Variants in LRRC4C observed in about 807,000 individuals in gnomAD.
LRRC4C encodes the protein leucine-rich repeat-containing protein 4C.
A neutral mutation model predicts 33.6 loss-of-function variants in LRRC4C; 5 were observed. That is an observed-to-expected ratio of 0.15 (90% CI 0.08 to 0.31). The LOEUF (loss-of-function observed/expected upper bound fraction) is 0.31. Among genes scored for constraint, LRRC4C ranks in the 10% least tolerant of loss-of-function variants. The probability of loss-of-function intolerance (pLI) is 1.00; values close to 1 mark genes in which losing one functional copy is unlikely to be tolerated. For synonymous variants in LRRC4C, 329 were observed against 302.0 expected, an observed-to-expected ratio of 1.09 and a Z score of -0.93; for missense variants, 560 against 796.7, an observed-to-expected ratio of 0.70 and a Z score of 3.58.
chr11:40,809,610 A>T (rs1001265983), intron 2 of LRRC4C, among the ~76,000 whole-genome samples: 2 of 152,180 alleles, frequency 1.3e-5, no homozygotes, highest in Non-Finnish European at 2.9e-5. Flanking sequence ...CAGAAAAAAA[A>T]TAGCCTCATA....
intron 1 of LRRC4C, among the ~76,000 whole-genome samples, chr11:41,017,281 A>C (rs1418257068): frequency 2.0e-5 from 3 of 152,156 alleles, no homozygotes; most frequent in Non-Finnish European, 4.4e-5. Flanking sequence ...TCAGTTACTG[A>C]TATCTTTTAT....
intron 3 of LRRC4C, among the ~76,000 whole-genome samples, chr11:40,466,513 A>G (rs1952659866): frequency 6.6e-6 from 1 of 151,950 alleles, no homozygotes; most frequent in South Asian, 2.1e-4. Flanking sequence ...TTGAATACCT[A>G]CCATTTTTCA....
chr11:40,134,481 T>C (rs1565033261), intron 6 of LRRC4C, among the ~76,000 whole-genome samples: 1 of 152,058 alleles, frequency 6.6e-6, no homozygotes, highest in Non-Finnish European at 1.5e-5. Context: ...TAAGCAAAAC[T>C]CTAAGATGAA....
chr11:40,325,082 G>T (rs1270255030), intron 3 of LRRC4C, among the ~76,000 whole-genome samples: 5 of 152,190 alleles, frequency 3.3e-5, no homozygotes, highest in African/African-American at 1.2e-4. Context: ...TCTATGAACA[G>T]ATTGGCAATG....
At chr11:40,936,336 GT>G (rs34468606) in intron 1 of LRRC4C, among the ~76,000 whole-genome samples, 9,790 of 112,550 alleles carry the variant, frequency 0.087, 264 homozygotes, top group African/African-American at 0.17. Context: ...TCTAACACTT[GT>G]TTTTTTTTTT....
In LRRC4C at chr11:41,255,027, T is replaced by C. The variant is rs191126618; in HGVS notation, c.-496+204404A>G. 4.3e-3 allele frequency among the ~76,000 whole-genome samples: 650 copies of C among 152,128 alleles called. 1 individual carries two copies. The highest frequency in any genetic ancestry group is 6.1e-3 in the Non-Finnish European group (412 of 67,926). ...GTGTTTAGTGTGCACAGAAAACTGC[T>C]TATTTTCCTGAGTTTCTTGCAAGGG... On this transcript the variant is annotated intron_variant, in intron 1 of 6. Coordinates refer to ENST00000528697, the MANE Select transcript of LRRC4C (RefSeq NM_001258419.2).
intron 1 of LRRC4C, among the ~76,000 whole-genome samples, chr11:41,023,282 T>C (rs1267992015): frequency 6.6e-6 from 1 of 151,786 alleles, no homozygotes; most frequent in Non-Finnish European, 1.5e-5. Flanking sequence ...ATTGTTATAT[T>C]GGTCAAATCA....
chr11:41,274,706 A>G (rs1056996842), intron 1 of LRRC4C, among the ~76,000 whole-genome samples: 2 of 152,056 alleles, frequency 1.3e-5, no homozygotes, highest in African/African-American at 4.8e-5. Context: ...GTCCCCTTCC[A>G]TATTGTGGAA....
intron 5 of LRRC4C, among the ~76,000 whole-genome samples, chr11:40,220,283 A>C (rs940605335): frequency 2.0e-5 from 3 of 152,172 alleles, no homozygotes; most frequent in Admixed American, 1.3e-4. Context: ...TACACCTCCC[A>C]AAAATTGTTA....
intron 2 of LRRC4C, among the ~76,000 whole-genome samples, chr11:40,697,703 C>T (rs1010537514): frequency 3.9e-5 from 6 of 152,134 alleles, no homozygotes; most frequent in Non-Finnish European, 8.8e-5. Flanking sequence ...AATAATCTGT[C>T]ATATGGATAT....
chr11:41,093,927 C>CAAAAAAAAAAAAAAAA (rs56173087), intron 1 of LRRC4C, among the ~76,000 whole-genome samples: 1 of 58,994 alleles, frequency 1.7e-5, no homozygotes, highest in Admixed American at 2.4e-4. Context: ...CCGTCTCCAC[C>CAAAAAAAAAAAAAAAA]AAAAAAAAAA....
chr11:40,852,567 G>A (rs969265378), intron 2 of LRRC4C, among the ~76,000 whole-genome samples: 4 of 152,118 alleles, frequency 2.6e-5, no homozygotes, highest in African/African-American at 7.2e-5. Flanking sequence ...TTTAAATGGT[G>A]TGTGTTAACA....
chr11:40,949,259 T>C (rs1281434430), intron 1 of LRRC4C, among the ~76,000 whole-genome samples: 3 of 152,226 alleles, frequency 2.0e-5, no homozygotes, highest in African/African-American at 7.2e-5. Context: ...TTGTAGATTC[T>C]GGACATTAGC....
chr11:40,672,900 G>A (rs10837469), intron 2 of LRRC4C, among the ~76,000 whole-genome samples: 28,700 of 151,942 alleles, frequency 0.19, 3,251 homozygotes, highest in East Asian at 0.48. Flanking sequence ...TGTTTGATGA[G>A]CATTTTGACA....
At chr11:41,284,190 C>T (rs1212267165) in intron 1 of LRRC4C, among the ~76,000 whole-genome samples, 1 of 152,014 alleles carries the variant, frequency 6.6e-6, no homozygotes, top group Non-Finnish European at 1.5e-5. Context: ...TTCTGTTGTT[C>T]CCAAGTTTAC....
chr11:41,123,360 C>T (rs570726490), intron 1 of LRRC4C, among the ~76,000 whole-genome samples: 2,224 of 145,102 alleles, frequency 0.015, 16 homozygotes, highest in Non-Finnish European at 0.025. Context: ...GCAAGCTCCG[C>T]CTCCCGGGTT....
chr11:40,585,680 A>T (rs866530015), intron 3 of LRRC4C, among the ~76,000 whole-genome samples: 7 of 129,274 alleles, frequency 5.4e-5, no homozygotes, highest in African/African-American at 1.8e-4. Flanking sequence ...TGTCCATGTG[A>T]TCTCATTGTT....
chr11:41,439,171 T>G (rs1305411783), intron 1 of LRRC4C, among the ~76,000 whole-genome samples: 1 of 152,160 alleles, frequency 6.6e-6, no homozygotes, highest in Non-Finnish European at 1.5e-5. Context: ...AGGATAATGG[T>G]CTCCAACTGC....
At chr11:41,324,949 T>C (rs774414997) in intron 1 of LRRC4C, among the ~76,000 whole-genome samples, 3 of 152,220 alleles carry the variant, frequency 2.0e-5, no homozygotes, top group South Asian at 4.1e-4. Context: ...ACATGCATAG[T>C]GTATAGTTTG....
Sources: allele counts gnomAD v4.1 joint callset (sites outside exome capture counted in the v4.1 genomes callset), GRCh38; gene constraint gnomAD v4.1.1; transcripts MANE v1.5; gene names NCBI Gene and HGNC (gene_info 2026-07-23, HGNC 2026-07-21).